NALCN: variants seen among roughly 807,000 people sequenced by gnomAD.
The protein encoded by NALCN is sodium leak channel, non-selective.
NALCN carries 111 observed loss-of-function variants against 225.3 expected under a neutral mutation model. The ratio of observed to expected loss-of-function variants is 0.49; its 90% CI spans 0.42 to 0.58. NALCN has a LOEUF of 0.58. NALCN is among the 20% of genes least tolerant of loss of function. NALCN has a pLI of 0.00. For missense variants in NALCN, 1,378 were observed against 2,202.4 expected, an observed-to-expected ratio of 0.63 and a Z score of 7.49; for synonymous variants, 764 against 769.0, an observed-to-expected ratio of 0.99 and a Z score of 0.11.
At chr13:101,078,750 T>C (rs747007779) in intron 34 of NALCN, among the ~76,000 whole-genome samples, 8 of 152,168 alleles carry the variant, frequency 5.3e-5, no homozygotes, top group Non-Finnish European at 1.0e-4. Context: ...TTTCGGGGAC[T>C]GTTGGGAGGG....
At chr13:101,395,388 C>G in intron 2 of NALCN, 23 bp from the exon 3 acceptor site, 1 of 1,605,902 alleles carries the variant, frequency 6.2e-7, no homozygotes, top group South Asian at 1.1e-5. Flanking sequence ...TCCAGAGTTA[C>G]TACACGGCAC....
intron 43 of NALCN, chr13:101,057,432 C>CGTAA (rs767833398): frequency 5.6e-6 from 1 of 177,930 alleles, no homozygotes; most frequent in Admixed American, 5.4e-5. Flanking sequence ...GTGAGTACTA[C>CGTAA]GTAAGTGTTT....
intron 7 of NALCN, among the ~76,000 whole-genome samples, chr13:101,329,777 A>G: frequency 6.6e-6 from 1 of 152,088 alleles, no homozygotes; most frequent in Non-Finnish European, 1.5e-5. Context: ...AGTGGCTCAC[A>G]CCTGTAATCT....
At chr13:101,270,931 G>A (rs953455404) in intron 10 of NALCN, among the ~76,000 whole-genome samples, 1 of 152,306 alleles carries the variant, frequency 6.6e-6, no homozygotes, top group African/African-American at 2.4e-5. Context: ...CAAATCTTTG[G>A]TGATGGAAAT....
At chr13:101,322,540 A>C (rs1249160600) in intron 7 of NALCN, among the ~76,000 whole-genome samples, 2 of 152,158 alleles carry the variant, frequency 1.3e-5, no homozygotes, top group Non-Finnish European at 2.9e-5. Flanking sequence ...TTAACGTTTG[A>C]TGTGCTTTTC....
At chr13:101,307,867 T>C (rs2139128460) in intron 7 of NALCN, among the ~76,000 whole-genome samples, 1 of 152,260 alleles carries the variant, frequency 6.6e-6, no homozygotes, top group Admixed American at 6.5e-5. Context: ...AAATCCGATA[T>C]TTAAAATTTA....
intron 18 of NALCN, among the ~76,000 whole-genome samples, chr13:101,112,010 A>G (rs760047712): frequency 1.3e-5 from 2 of 152,216 alleles, no homozygotes; most frequent in Non-Finnish European, 2.9e-5. Flanking sequence ...ATATGTTCCA[A>G]GGAGATTTTG....
chr13:101,383,251 A>G (rs2046898554), intron 3 of NALCN, among the ~76,000 whole-genome samples: 1 of 152,120 alleles, frequency 6.6e-6, no homozygotes, highest in Non-Finnish European at 1.5e-5. Flanking sequence ...TATATAAATA[A>G]TGTGCATCTT....
chr13:101,378,426 A>T, intron 4 of NALCN, 144 bp downstream of exon 4: 2 of 625,256 alleles, frequency 3.2e-6, no homozygotes, highest in Non-Finnish European at 5.3e-6. Flanking sequence ...CACATCTGTT[A>T]AAATAAAAAT....
At position 101,204,696 on chromosome 13, in the gene NALCN, ATATGTAGG is replaced by A. The variant is rs992413485; in HGVS notation, c.1627-12650_1627-12643del. Among the ~76,000 whole-genome samples the A allele has an allele frequency of 3.4e-4, 52 of 152,286 alleles. 1 individual carries two copies. The highest frequency in any genetic ancestry group is 1.2e-3 in the African/African-American group (50 of 41,576). On this transcript the variant is annotated intron_variant, in intron 13 of 43. Coordinates refer to ENST00000251127, the MANE Select transcript of NALCN (RefSeq NM_052867.4). Reference sequence around the variant, plus strand: ...GAATCTTTTTGCTAGTTATGAAAATATATGTAGGTATGTCCAATTGTCTCTTTCCTTGG... The same window carrying A: ...GAATCTTTTTGCTAGTTATGAAAATATATGTCCAATTGTCTCTTTCCTTGG...
At chr13:101,254,365 T>C (rs377257036) in intron 11 of NALCN, among the ~76,000 whole-genome samples, 13 of 49,604 alleles carry the variant, frequency 2.6e-4, no homozygotes, top group African/African-American at 9.5e-4. Flanking sequence ...AGAGTGGGAC[T>C]GTCTCAAAAA....
At position 101,055,388 on chromosome 13, in the gene NALCN, G is replaced by T; in HGVS notation, c.5124C>A (p.Asp1708Glu). Reference protein sequence around the residue: ...SVVCKMNPMTDAASCGSEVKK... With the variant: ...SVVCKMNPMTEAASCGSEVKK... ...TAACTTCAGAACCGCAGGAAGCCGC[G>T]TCAGTCATGGGGTTCATTTTGCACA... Residue 1708 changes from aspartate to glutamate, a missense_variant, in exon 44 of 44, where the codon GAC (aspartate) becomes GAA (glutamate). Asp to Glu is a conservative substitution (Grantham distance 45). Coordinates refer to ENST00000251127, the MANE Select transcript of NALCN (RefSeq NM_052867.4). 6.2e-7 allele frequency: 1 copy of T among 1,614,092 alleles called. No homozygotes were observed. The highest frequency in any genetic ancestry group is 1.3e-5 in the African/African-American group (1 of 75,016).
chr13:101,211,788 A>C (rs1252912654), intron 13 of NALCN, among the ~76,000 whole-genome samples: 1 of 151,914 alleles, frequency 6.6e-6, no homozygotes, highest in African/African-American at 2.4e-5. Flanking sequence ...GAAACTGTGA[A>C]AGATTTGACA....
In NALCN at chr13:101,203,967, A is replaced by AG. The variant is rs1235073216; in HGVS notation, c.1627-11914dup. On this transcript the variant is annotated intron_variant, in intron 13 of 43. Transcript: ENST00000251127. Reference sequence around the variant, plus strand: ...GTTGGCAAATTGACTGAAAATAAGGAGGCAGGTAAATTAAGTGCTTTGCTC... The same window carrying AG: ...GTTGGCAAATTGACTGAAAATAAGGAGGGCAGGTAAATTAAGTGCTTTGCTC... 7.9e-5 allele frequency among the ~76,000 whole-genome samples: 12 copies of AG among 152,342 alleles called. 1 individual carries two copies. Among genetic ancestry groups the AG allele is most frequent in the Middle Eastern group, 3.4e-3 (1 of 294 alleles).
intron 6 of NALCN, among the ~76,000 whole-genome samples, chr13:101,367,498 A>AT (rs1373637294): frequency 6.6e-6 from 1 of 151,952 alleles, no homozygotes; most frequent in African/African-American, 2.4e-5. Context: ...GACATGACCT[A>AT]TTTTTTTCTT....
chr13:101,400,582 C>T (rs562697632), intron 1 of NALCN, among the ~76,000 whole-genome samples: 3 of 120,390 alleles, frequency 2.5e-5, no homozygotes, highest in African/African-American at 8.2e-5. Context: ...TGTGTGTGTG[C>T]ACGTGTGTGC....
chr13:101,214,239 G>C (rs1056390058), intron 13 of NALCN, among the ~76,000 whole-genome samples: 2 of 131,170 alleles, frequency 1.5e-5, no homozygotes, highest in African/African-American at 5.7e-5. Context: ...GGTGGGAATT[G>C]AACAATGAGA....
chr13:101,172,157 T>A (rs1343789642), intron 15 of NALCN, among the ~76,000 whole-genome samples: 3 of 151,914 alleles, frequency 2.0e-5, no homozygotes, highest in African/African-American at 7.3e-5. Context: ...CATAGAAAAA[T>A]AATGGGAAAA....
At chr13:101,200,972 C>T (rs2040095813) in intron 13 of NALCN, among the ~76,000 whole-genome samples, 1 of 152,096 alleles carries the variant, frequency 6.6e-6, no homozygotes, top group South Asian at 2.1e-4. Flanking sequence ...AATGGTTAAA[C>T]ATCTTGGGTT....
Sources: gnomAD v4.1 joint callset for allele counts (sites outside exome capture counted in the v4.1 genomes callset) on GRCh38, gnomAD v4.1.1 for gene constraint, MANE v1.5 for transcripts, NCBI Gene and HGNC (gene_info 2026-07-23, HGNC 2026-07-21) for gene names.